Variants in ROBO2 observed in about 807,000 individuals in gnomAD.
ROBO2 encodes roundabout homolog 2.
ROBO2 carries 53 observed loss-of-function variants against 160.8 expected under a neutral mutation model. The ratio of observed to expected loss-of-function variants is 0.33; its 90% confidence interval spans 0.26 to 0.41. The LOEUF (loss-of-function observed/expected upper bound fraction) is 0.41, where lower values mean the gene tolerates loss of function less well. Among genes scored for constraint, ROBO2 ranks in the 10% least tolerant of loss-of-function variants. The pLI is 1.00. For missense variants in ROBO2, 1,577 were observed against 1,722.4 expected (o/e 0.92, Z 1.49); for synonymous variants, 664 against 611.7 (o/e 1.09, Z -1.26).
chr3:76,547,480 G>C (rs939336517), intron 2 of ROBO2, among the ~76,000 whole-genome samples: 1 of 151,868 alleles, frequency 6.6e-6, no homozygotes, highest in African/African-American at 2.4e-5. Flanking sequence ...CTCTGCTGAT[G>C]ATAGAAAATA....
chr3:75,989,464 A>G (rs1397203905), intron 2 of ROBO2, among the ~76,000 whole-genome samples: 1 of 152,168 alleles, frequency 6.6e-6, no homozygotes, highest in East Asian at 1.9e-4. Context: ...AAAATTGGTT[A>G]ACCCAACAAA....
intron 2 of ROBO2, among the ~76,000 whole-genome samples, chr3:76,140,464 T>C (rs577140382): frequency 6.6e-6 from 1 of 152,140 alleles, no homozygotes; most frequent in East Asian, 1.9e-4. Flanking sequence ...ATCTTCATTG[T>C]ACTGAAGTGT....
intron 2 of ROBO2, among the ~76,000 whole-genome samples, chr3:76,059,763 C>G (rs977244782): frequency 2.0e-5 from 3 of 152,234 alleles, no homozygotes; most frequent in Non-Finnish European, 2.9e-5. Flanking sequence ...AGGTTTTCTT[C>G]TAGGGTTTTT....
At chr3:76,206,142 G>C (rs1702792861) in intron 2 of ROBO2, among the ~76,000 whole-genome samples, 1 of 117,394 alleles carries the variant, frequency 8.5e-6, no homozygotes, top group Non-Finnish European at 1.8e-5. Flanking sequence ...ACCATCACCT[G>C]CAGCCCGCTA....
intron 2 of ROBO2, among the ~76,000 whole-genome samples, chr3:75,949,285 T>C (rs1948445522): frequency 6.6e-6 from 1 of 152,108 alleles, no homozygotes; most frequent in South Asian, 2.1e-4. Flanking sequence ...GGTCTACTTT[T>C]ACTTTAGGGA....
At chr3:77,382,485 G>A (rs368879361) in intron 2 of ROBO2, among the ~76,000 whole-genome samples, 11 of 151,862 alleles carry the variant, frequency 7.2e-5, no homozygotes, top group South Asian at 6.2e-4. Flanking sequence ...GTGTAGCGGC[G>A]AATCCTGAGA....
intron 2 of ROBO2, among the ~76,000 whole-genome samples, chr3:76,659,316 G>T (rs2091716752): frequency 6.7e-6 from 1 of 149,172 alleles, no homozygotes; most frequent in African/African-American, 2.5e-5. Context: ...AAAAATGTGT[G>T]TGCATATTTA....
chr3:76,700,494 C>A (rs2093025042), intron 2 of ROBO2, among the ~76,000 whole-genome samples: 1 of 152,120 alleles, frequency 6.6e-6, no homozygotes, highest in South Asian at 2.1e-4. Context: ...CTGTACTCAT[C>A]TGTTTTTTCT....
intron 2 of ROBO2, among the ~76,000 whole-genome samples, chr3:76,650,304 T>A (rs9816437): frequency 0.033 from 5,069 of 152,242 alleles, 272 homozygotes; most frequent in African/African-American, 0.12. Context: ...GGTAGAACAT[T>A]GCATCACTTT....
chr3:77,362,342 G>T (rs1334154601), intron 2 of ROBO2, among the ~76,000 whole-genome samples: 1 of 152,116 alleles, frequency 6.6e-6, no homozygotes, highest in East Asian at 1.9e-4. Context: ...TCAGTGGATG[G>T]AAAATTGCTA....
intron 2 of ROBO2, among the ~76,000 whole-genome samples, chr3:76,062,551 ATTC>A (rs1484575552): frequency 2.6e-5 from 4 of 152,120 alleles, no homozygotes; most frequent in South Asian, 2.1e-4. Context: ...CTTACCTGGC[ATTC>A]TTCTTCTTAC....
intron 8 of ROBO2, among the ~76,000 whole-genome samples, chr3:77,551,281 T>C (rs2092911639): frequency 6.6e-6 from 1 of 152,030 alleles, no homozygotes; most frequent in Non-Finnish European, 1.5e-5. Context: ...GTAATCTGTA[T>C]ATTTTTATTT....
intron 2 of ROBO2, among the ~76,000 whole-genome samples, chr3:76,389,687 T>C (rs2077056795): frequency 6.6e-6 from 1 of 152,214 alleles, no homozygotes; most frequent in Non-Finnish European, 1.5e-5. Context: ...AAGACAAGGC[T>C]GTTTTCAAAT....
intron 1 of ROBO2, among the ~76,000 whole-genome samples, chr3:77,065,886 T>A (rs909544880): frequency 2.8e-4 from 43 of 152,158 alleles, no homozygotes; most frequent in African/African-American, 9.4e-4. Context: ...TTGTCCCTAG[T>A]GTAAAATAGT....
chr3:76,239,372 A>ATATG (rs753635556), intron 2 of ROBO2, among the ~76,000 whole-genome samples: 8 of 151,190 alleles, frequency 5.3e-5, no homozygotes, highest in Non-Finnish European at 8.8e-5. Flanking sequence ...ATATATATAT[A>ATATG]TGTACATATA....
intron 2 of ROBO2, among the ~76,000 whole-genome samples, chr3:77,216,760 A>G (rs770974806): frequency 2.1e-4 from 32 of 152,232 alleles, no homozygotes; most frequent in Non-Finnish European, 4.1e-4. Context: ...TGCAAAAGTA[A>G]TTTAATATTA....
At chr3:76,151,879 G>T (rs976283133) in intron 2 of ROBO2, among the ~76,000 whole-genome samples, 2 of 152,028 alleles carry the variant, frequency 1.3e-5, no homozygotes, top group Admixed American at 6.6e-5. Context: ...TTCTCATTTT[G>T]ATAATTTATT....
chr3:76,783,269 TA>T (rs2062765825), intron 2 of ROBO2, among the ~76,000 whole-genome samples: 1 of 150,948 alleles, frequency 6.6e-6, no homozygotes, highest in African/African-American at 2.4e-5. Flanking sequence ...CTTTGCCTTT[TA>T]ACTTTCATAG....
intron 2 of ROBO2, among the ~76,000 whole-genome samples, chr3:77,181,147 G>T (rs1456049720): frequency 1.3e-5 from 2 of 152,024 alleles, no homozygotes; most frequent in Non-Finnish European, 2.9e-5. Context: ...CTTCCCACCT[G>T]TTGTAACACA....
Sources: allele counts gnomAD v4.1 joint callset (sites outside exome capture counted in the v4.1 genomes callset), GRCh38; gene constraint gnomAD v4.1.1; transcripts MANE v1.5; gene names NCBI Gene and HGNC (gene_info 2026-07-23, HGNC 2026-07-21).